Variants in USH2A observed in about 807,000 individuals in gnomAD.
The protein encoded by USH2A is usherin.
USH2A carries 443 observed loss-of-function variants against 538.9 expected under a neutral mutation model. The ratio of observed to expected loss-of-function variants is 0.82; its 90% CI spans 0.76 to 0.89. USH2A has a LOEUF of 0.89. USH2A is among the 40% of genes least tolerant of loss of function. USH2A has a pLI of 0.00. For synonymous variants in USH2A, 2,413 were observed against 2,273.5 expected (o/e 1.06, Z -1.75); for missense variants, 6,633 against 6,324.8 (o/e 1.05, Z -1.65).
At chr1:216,240,259 G>A (rs1453821135) in intron 13 of USH2A, among the ~76,000 whole-genome samples, 1 of 152,108 alleles carries the variant, frequency 6.6e-6, no homozygotes, top group Non-Finnish European at 1.5e-5. Context: ...GATGCAGTAA[G>A]CTTTTCCTTT....
chr1:216,130,585 A>G (rs1211233564), intron 21 of USH2A, among the ~76,000 whole-genome samples: 2 of 146,764 alleles, frequency 1.4e-5, no homozygotes, highest in South Asian at 4.2e-4. Context: ...AATATATAAT[A>G]CACATTATAT....
At chr1:215,732,544 C>CTTTTTTTTTTT (rs141549439) in intron 60 of USH2A, among the ~76,000 whole-genome samples, 792 of 73,646 alleles carry the variant, frequency 0.011, 13 homozygotes, top group African/African-American at 0.025. Flanking sequence ...TTTTTTCTTT[C>CTTTTTTTTTTT]TTTTTTTTTT....
At position 216,346,414 on chromosome 1, in the gene USH2A, C is replaced by T. The variant is rs531736208; in HGVS notation, c.784+18539G>A. ...CAAAATCTAAGGCTGTCTTGTGTTT[C>T]GCATTGCGTTATCTGATGTTTTTTA... On this transcript the variant is annotated intron_variant, in intron 4 of 71. Coordinates refer to ENST00000307340, the MANE Select transcript of USH2A (RefSeq NM_206933.4). Among the ~76,000 whole-genome samples the T allele has an allele frequency of 9.9e-5, 15 of 152,198 alleles. 1 individual carries two copies. The highest frequency in any genetic ancestry group is 6.2e-4 in the South Asian group (3 of 4,830).
chr1:216,188,997 A>G (rs1396375528), intron 20 of USH2A, among the ~76,000 whole-genome samples: 1 of 151,922 alleles, frequency 6.6e-6, no homozygotes, highest in Admixed American at 6.6e-5. Flanking sequence ...TGCTGTCCAT[A>G]TTCAGCATTC....
intron 52 of USH2A, among the ~76,000 whole-genome samples, chr1:215,783,547 C>A (rs189012864): frequency 3.9e-4 from 60 of 152,166 alleles, no homozygotes; most frequent in Admixed American, 3.5e-3. Flanking sequence ...ACAATAAAAC[C>A]AAGCCTGCTG....
At chr1:215,723,749 A>G (rs1037954176) in intron 61 of USH2A, among the ~76,000 whole-genome samples, 2 of 152,182 alleles carry the variant, frequency 1.3e-5, no homozygotes, top group Non-Finnish European at 2.9e-5. Context: ...AGAAGACAGT[A>G]AAGTTGTTTA....
intron 4 of USH2A, among the ~76,000 whole-genome samples, chr1:216,361,153 A>G (rs1235190152): frequency 1.3e-5 from 2 of 152,158 alleles, no homozygotes; most frequent in Admixed American, 1.3e-4. Context: ...GCAGAATGGT[A>G]GAAACATTGA....
chr1:216,095,898 C>A (rs890947450), intron 22 of USH2A, among the ~76,000 whole-genome samples: 17 of 152,222 alleles, frequency 1.1e-4, no homozygotes, highest in African/African-American at 4.1e-4. Flanking sequence ...AGAGGGTGAA[C>A]GTTGTGTCTG....
chr1:216,241,924 T>C (rs1030031142), intron 13 of USH2A, among the ~76,000 whole-genome samples: 17 of 152,144 alleles, frequency 1.1e-4, no homozygotes, highest in Non-Finnish European at 1.5e-5. Context: ...CTTCTTTTCT[T>C]TAGAGGAAGA....
chr1:215,841,074 G>T (rs572934693), intron 46 of USH2A, among the ~76,000 whole-genome samples: 2 of 152,240 alleles, frequency 1.3e-5, no homozygotes. Context: ...AACATTCCAT[G>T]CTCATGGATA....
intron 58 of USH2A, among the ~76,000 whole-genome samples, chr1:215,749,745 T>G (rs1660571357): frequency 6.6e-6 from 1 of 152,182 alleles, no homozygotes; most frequent in Non-Finnish European, 1.5e-5. Flanking sequence ...TTACCCTAAG[T>G]GCAAATGGCA....
chr1:216,251,036 A>T lies in USH2A; in HGVS notation c.2034T>A (p.Asn678Lys). The T allele has an allele frequency of 6.2e-7, 1 of 1,614,086 alleles. No individual in the cohort carries two copies. The highest frequency in any genetic ancestry group is 8.5e-7 in the Non-Finnish European group (1 of 1,179,992). ...VSGRQCNQCQ[N>K]GFYNLQELDP... is the part of the protein sequence containing the mutation. The stretch of plus-strand genomic sequence containing the variant: ...CCAACTCTTGTAGATTGTAGAATCC[A>T]TTCTGGCACTGATTGCACTGCCTGC... The change falls in exon 12 of 72, where the codon AAT (asparagine) becomes AAA (lysine). Residue 678 changes from asparagine to lysine, a missense_variant. Physicochemically the swap from Asn to Lys is moderately conservative, Grantham distance 94. Transcript: ENST00000307340.
chr1:216,284,240 C>G (rs1328334678), intron 11 of USH2A, among the ~76,000 whole-genome samples: 1 of 152,124 alleles, frequency 6.6e-6, no homozygotes, highest in Non-Finnish European at 1.5e-5. Context: ...CAAATCTCAT[C>G]TTGAATTGTA....
chr1:215,842,498 T>C (rs1663709781), intron 46 of USH2A, among the ~76,000 whole-genome samples: 1 of 152,084 alleles, frequency 6.6e-6, no homozygotes, highest in Admixed American at 6.6e-5. Context: ...ATTATAAAGA[T>C]ACAAGCACAT....
chr1:216,178,984 AGAAGAAGTAT>A, intron 20 of USH2A, among the ~76,000 whole-genome samples: 1 of 152,110 alleles, frequency 6.6e-6, no homozygotes, highest in East Asian at 1.9e-4. Context: ...CTAAATGTTG[AGAAGAAGTAT>A]GAATATGCCT....
At chr1:216,231,383 C>G (rs2035688136) in intron 14 of USH2A, among the ~76,000 whole-genome samples, 1 of 146,724 alleles carries the variant, frequency 6.8e-6, no homozygotes, top group African/African-American at 2.5e-5. Context: ...CATCCAGACT[C>G]TCAGCTTTTT....
intron 62 of USH2A, among the ~76,000 whole-genome samples, chr1:215,678,071 T>C (rs1392728952): frequency 6.6e-6 from 1 of 152,220 alleles, no homozygotes; most frequent in African/African-American, 2.4e-5. Flanking sequence ...TATCTTCGAT[T>C]CACCTATAGT....
chr1:216,054,169 A>G (rs1263290480), intron 30 of USH2A, among the ~76,000 whole-genome samples: 1 of 152,170 alleles, frequency 6.6e-6, no homozygotes, highest in East Asian at 1.9e-4. Context: ...GAAAATTAAG[A>G]TTTTGCAGAC....
At chr1:215,819,514 A>T (rs1007348180) in intron 47 of USH2A, among the ~76,000 whole-genome samples, 2 of 151,878 alleles carry the variant, frequency 1.3e-5, no homozygotes, top group Non-Finnish European at 2.9e-5. Context: ...GAACAGTTTC[A>T]TAGATGACTT....
Sources: allele counts gnomAD v4.1 joint callset (sites outside exome capture counted in the v4.1 genomes callset), GRCh38; gene constraint gnomAD v4.1.1; transcripts MANE v1.5; gene names NCBI Gene and HGNC (gene_info 2026-07-23, HGNC 2026-07-21).